The following UBE3A variants were observed in gnomAD, a reference collection of about 807,000 sequenced individuals.
The protein encoded by UBE3A is ubiquitin-protein ligase E3A.
UBE3A carries 6 observed loss-of-function variants against 83.4 expected under a neutral mutation model. That is an observed-to-expected ratio of 0.07 (90% CI 0.04 to 0.14). UBE3A has a LOEUF of 0.14. Ranked by LOEUF, UBE3A falls within the 10% of genes least tolerant of loss-of-function variation. The pLI is 1.00. For missense variants in UBE3A, 456 were observed against 1,036.1 expected, an observed-to-expected ratio of 0.44 and a Z score of 7.69; for synonymous variants, 337 against 355.4, an observed-to-expected ratio of 0.95 and a Z score of 0.58.
intron 4 of UBE3A, among the ~76,000 whole-genome samples, chr15:25,400,474 A>AC (rs1180360422): frequency 6.6e-6 from 1 of 152,104 alleles, no homozygotes; most frequent in African/African-American, 2.4e-5. Flanking sequence ...TTATTGTTGT[A>AC]TTTTTTTCTC....
At chr15:25,357,565 C>G (rs1429794950) in intron 7 of UBE3A, 1 of 152,348 alleles carries the variant, frequency 6.6e-6, no homozygotes, top group Non-Finnish European at 1.5e-5. Flanking sequence ...CCAGGATGGT[C>G]TCAACCTCTT....
At chr15:25,361,187 G>A (rs541590831) in intron 6 of UBE3A, among the ~76,000 whole-genome samples, 27 of 148,952 alleles carry the variant, frequency 1.8e-4, no homozygotes, top group African/African-American at 3.5e-4. Context: ...GTGCAGTGGC[G>A]CGATCTCAGC....
intron 4 of UBE3A, among the ~76,000 whole-genome samples, chr15:25,384,250 G>A (rs1280887860): frequency 1.3e-5 from 2 of 152,190 alleles, no homozygotes; most frequent in East Asian, 3.9e-4. Context: ...ACGAGGTCAA[G>A]AGATTGAGAC....
intron 1 of UBE3A, among the ~76,000 whole-genome samples, chr15:25,433,222 T>A (rs1893990389): frequency 6.6e-6 from 1 of 150,616 alleles, no homozygotes; most frequent in South Asian, 2.1e-4. Context: ...AGAGGCAGTC[T>A]CACTCTGTCG....
At chr15:25,408,560 C>G (rs1306055737) in intron 3 of UBE3A, 6 of 1,607,832 alleles carry the variant, frequency 3.7e-6, no homozygotes, top group Non-Finnish European at 5.1e-6. Flanking sequence ...AATATGATCA[C>G]AAAACACCCA....
chr15:25,340,015 G>T, intron 12 of UBE3A, 70 bp downstream of exon 12: 1 of 1,580,126 alleles, frequency 6.3e-7, no homozygotes, highest in Non-Finnish European at 8.7e-7. Flanking sequence ...TATAAAGACA[G>T]TTCATATGTA....
intron 4 of UBE3A, among the ~76,000 whole-genome samples, chr15:25,385,106 T>TG (rs925982041): frequency 6.6e-6 from 1 of 152,092 alleles, no homozygotes; most frequent in Non-Finnish European, 1.5e-5. Context: ...ATAGACAAAC[T>TG]GGGGATACAT....
intron 1 of UBE3A, among the ~76,000 whole-genome samples, chr15:25,430,160 TAAG>T (rs1353400682): frequency 0.079 from 1,889 of 23,766 alleles, 22 homozygotes; most frequent in African/African-American, 0.091. Flanking sequence ...TACATATATA[TAAG>T]ATTATATATA....
At chr15:25,364,263 CTATTT>C (rs910353094) in intron 6 of UBE3A, among the ~76,000 whole-genome samples, 11 of 151,892 alleles carry the variant, frequency 7.2e-5, no homozygotes, top group African/African-American at 1.9e-4. Context: ...GCCTTTAAAA[CTATTT>C]TATTTTAAAT....
Position 25,409,184 on chromosome 15 carries a change from G to C in UBE3A, c.-77C>G. The stretch of plus-strand genomic sequence containing the variant: ...GTCACACCAGTCTAGCTGCTACCTT[G>C]ATCTGAGCGTAGGCTTAATAACTCT... On this transcript the variant is annotated 5_prime_UTR_variant, in exon 3 of 13. It adds an upstream start codon to the 5' untranslated region. Coordinates refer to ENST00000648336, the MANE Select transcript of UBE3A (RefSeq NM_130839.5). The C allele has an allele frequency of 1.4e-6, 2 of 1,418,162 alleles. No homozygotes were observed. The highest frequency in any genetic ancestry group is 2.0e-6 in the Non-Finnish European group (2 of 1,019,034). The allele number at this position is 1,418,162 out of a possible 1,614,324, so 87.8% of individuals were successfully genotyped here. A position where few individuals can be genotyped will look rare whatever the true frequency, so the allele number is the denominator to read the frequency against.
In UBE3A at chr15:25,354,810, A is replaced by G. The variant is rs1010958711; in HGVS notation, c.2125-127T>C. On this transcript the variant is annotated intron_variant, in intron 9 of 12. Coordinates refer to ENST00000648336, the MANE Select transcript of UBE3A (RefSeq NM_130839.5). ...ATTCAAGAATATTCTTAAAAATTCA[A>G]TTTTACACCTACTTCTTAACAATTT... The G allele has an allele frequency of 7.7e-5, 66 of 860,782 alleles. 2 individuals carry two copies. Among genetic ancestry groups the G allele is most frequent in the Non-Finnish European group, 7.1e-6 (4 of 565,360 alleles). The allele number at this position is 860,782 out of a possible 1,614,324, so 53.3% of individuals were successfully genotyped here. A position where few individuals can be genotyped will look rare whatever the true frequency, so the allele number is the denominator to read the frequency against.
At chr15:25,393,173 G>A (rs1384217644) in intron 4 of UBE3A, among the ~76,000 whole-genome samples, 1 of 151,952 alleles carries the variant, frequency 6.6e-6, no homozygotes, top group African/African-American at 2.4e-5. Context: ...GACAAATAAT[G>A]TAGCAGTAGG....
intron 11 of UBE3A, among the ~76,000 whole-genome samples, chr15:25,350,044 T>C (rs993830064): frequency 2.6e-5 from 4 of 152,152 alleles, no homozygotes; most frequent in African/African-American, 7.2e-5. Context: ...AGTGGAAGAA[T>C]TGCTAGAGTC....
chr15:25,354,208 A>G (rs1256909658), intron 11 of UBE3A, 145 bp downstream of exon 11: 2 of 719,034 alleles, frequency 2.8e-6, no homozygotes, highest in South Asian at 3.2e-5. Flanking sequence ...AATGGTGATT[A>G]TATTACAAAT....
At chr15:25,382,093 C>A (rs2082269977) in intron 4 of UBE3A, among the ~76,000 whole-genome samples, 1 of 152,100 alleles carries the variant, frequency 6.6e-6, no homozygotes, top group African/African-American at 2.4e-5. Context: ...CCGAGGCAGG[C>A]GGATCATGAG....
At chr15:25,365,734 C>G (rs1041754894) in intron 6 of UBE3A, among the ~76,000 whole-genome samples, 14 of 124,248 alleles carry the variant, frequency 1.1e-4, no homozygotes, top group African/African-American at 4.2e-4. Flanking sequence ...GGTGACAGAG[C>G]AAGACTCCGT....
At chr15:25,362,002 C>T (rs1487834789) in intron 6 of UBE3A, among the ~76,000 whole-genome samples, 1 of 152,174 alleles carries the variant, frequency 6.6e-6, no homozygotes, top group African/African-American at 2.4e-5. Context: ...AAACTTGTCA[C>T]CTGCAACTCA....
At position 25,337,619 on chromosome 15, in the gene UBE3A, A is replaced by AT. The variant is rs2074051942; in HGVS notation, c.*1517dup. On this transcript the variant is annotated 3_prime_UTR_variant, in exon 13 of 13. Coordinates refer to ENST00000648336, the MANE Select transcript of UBE3A (RefSeq NM_130839.5). ...CTCCCCCCAATGATTTGAAAGCTGC[A>AT]TTTTTCCTGCCAATTTCAAACAAAC... 3 of 152,198 alleles carry AT rather than the reference A, an allele frequency of 2.0e-5. No homozygotes were observed. Among genetic ancestry groups the AT allele is most frequent in the African/African-American group, 7.2e-5 (3 of 41,558 alleles). 9.4% of individuals were successfully genotyped at this position (152,198 alleles called of 1,614,324 possible).
At chr15:25,411,224 T>C (rs1055860077) in intron 2 of UBE3A, among the ~76,000 whole-genome samples, 1 of 152,216 alleles carries the variant, frequency 6.6e-6, no homozygotes, top group Non-Finnish European at 1.5e-5. Flanking sequence ...AGGATAATAG[T>C]ACCTATTCCA....
Sources: allele counts gnomAD v4.1 joint callset (sites outside exome capture counted in the v4.1 genomes callset), GRCh38; gene constraint gnomAD v4.1.1; transcripts MANE v1.5; gene names NCBI Gene and HGNC (gene_info 2026-07-23, HGNC 2026-07-21).